The following KCNB2 variants were observed in gnomAD, a reference collection of about 807,000 sequenced individuals.
The protein encoded by KCNB2 is potassium voltage-gated channel subfamily B member 2.
KCNB2 carries 15 observed loss-of-function variants against 61.5 expected under a neutral mutation model. The observed-to-expected ratio is 0.24, with a 90% confidence interval of 0.16 to 0.38. The LOEUF is 0.38. Among genes scored for constraint, KCNB2 ranks in the 10% least tolerant of loss-of-function variants. The pLI is 1.00. For synonymous variants in KCNB2, 457 were observed against 446.0 expected (o/e 1.02, Z -0.31); for missense variants, 828 against 1,125.2 (o/e 0.74, Z 3.78).
intron 2 of KCNB2, among the ~76,000 whole-genome samples, chr8:72,716,053 A>G (rs1205646207): frequency 6.6e-6 from 1 of 152,252 alleles, no homozygotes; most frequent in Non-Finnish European, 1.5e-5. Flanking sequence ...AATAAACTAG[A>G]AAATCTAGAA....
intron 2 of KCNB2, among the ~76,000 whole-genome samples, chr8:72,649,958 T>C (rs1164171896): frequency 6.6e-6 from 1 of 152,132 alleles, no homozygotes; most frequent in Non-Finnish European, 1.5e-5. Context: ...TAGCTGGTAA[T>C]AATGCAGTGA....
chr8:72,597,490 A>T (rs937957248), intron 2 of KCNB2, among the ~76,000 whole-genome samples: 4 of 152,234 alleles, frequency 2.6e-5, no homozygotes, highest in African/African-American at 7.2e-5. Context: ...AAGTTTCATG[A>T]ACATTTTTTA....
rs145595704 is a variant in KCNB2, at chr8:72,609,871, C to T, written c.579+41558C>T. On this transcript the variant is annotated intron_variant, in intron 2 of 2. Transcript: ENST00000523207. ...CTTCAGTGCTGCCACACTGCGCAGACCCAGGACGTCGTTACGTTGAAGTCC... is the reference window on the plus strand; with the variant it reads ...CTTCAGTGCTGCCACACTGCGCAGATCCAGGACGTCGTTACGTTGAAGTCC... Among the ~76,000 whole-genome samples, 792 of 152,248 alleles carry T rather than the reference C, an allele frequency of 5.2e-3. 8 individuals are homozygous for T. Among genetic ancestry groups the T allele is most frequent in the African/African-American group, 0.018 (761 of 41,546 alleles).
intron 2 of KCNB2, among the ~76,000 whole-genome samples, chr8:72,650,224 A>G (rs1806192530): frequency 6.6e-6 from 1 of 152,136 alleles, no homozygotes; most frequent in Non-Finnish European, 1.5e-5. Flanking sequence ...GCTTGCGTTT[A>G]TTTTTACAAG....
chr8:72,896,567 G>A (rs551127043), intron 2 of KCNB2, among the ~76,000 whole-genome samples: 25 of 152,238 alleles, frequency 1.6e-4, no homozygotes, highest in Admixed American at 1.6e-3. Flanking sequence ...ATATGTGTCT[G>A]TGTAAATATA....
chr8:72,902,265 A>G (rs115045265), intron 2 of KCNB2, among the ~76,000 whole-genome samples: 141 of 152,300 alleles, frequency 9.3e-4, no homozygotes, highest in African/African-American at 3.3e-3. Context: ...AAAAGGGCCT[A>G]AATAGAAAGG....
chr8:72,624,010 G>A (rs958807257), intron 2 of KCNB2, among the ~76,000 whole-genome samples: 1 of 152,178 alleles, frequency 6.6e-6, no homozygotes, highest in African/African-American at 2.4e-5. Context: ...TTAGTTAAGA[G>A]TGCTTATGCT....
intron 2 of KCNB2, among the ~76,000 whole-genome samples, chr8:72,894,620 A>G (rs188430951): frequency 2.3e-4 from 32 of 139,034 alleles, no homozygotes; most frequent in Admixed American, 1.8e-3. Flanking sequence ...ACCTTCATCA[A>G]TCTTTCCAAG....
rs146297405 is a variant in KCNB2 at position 72,937,230 on chromosome 8, C to A, written c.1875C>A (p.Ser625=). 1 of 1,614,056 alleles carries A rather than the reference C, an allele frequency of 6.2e-7. No individual in the cohort carries two copies. The highest frequency in any genetic ancestry group is 8.5e-7 in the Non-Finnish European group (1 of 1,180,004). The change falls in exon 3 of 3, where the codon TCC becomes TCA. Residue 625 remains serine, a synonymous_variant. Transcript: ENST00000523207. ...ETERSPLPPP[S]ASHLQMKFPT... is the part of the protein sequence containing the mutation. ...AGAGATCGCCGCTGCCGCCGCCCTCCGCCTCTCACTTGCAGATGAAGTTCC... is the reference window on the plus strand; with the variant it reads ...AGAGATCGCCGCTGCCGCCGCCCTCAGCCTCTCACTTGCAGATGAAGTTCC...
At position 72,842,898 on chromosome 8, in the gene KCNB2, G is replaced by A. The variant is rs528222917; in HGVS notation, c.580-93037G>A. 1.4e-4 allele frequency among the ~76,000 whole-genome samples: 21 copies of A among 152,088 alleles called. 1 individual carries two copies. The highest frequency in any genetic ancestry group is 2.5e-4 in the Non-Finnish European group (17 of 67,956). ...TTTCAGAAAAACAGCTCCTGGATCC[G>A]TTGATTTTTTGAAGAGTTTTTTGTG... is the stretch of plus-strand genomic sequence containing the variant. On this transcript the variant is annotated intron_variant, in intron 2 of 2. Coordinates refer to ENST00000523207, the MANE Select transcript of KCNB2 (RefSeq NM_004770.3).
chr8:72,770,584 G>A (rs1042710139), intron 2 of KCNB2, among the ~76,000 whole-genome samples: 1 of 152,136 alleles, frequency 6.6e-6, no homozygotes, highest in African/African-American at 2.4e-5. Context: ...TCACTTACCG[G>A]CTATATAATC....
At chr8:72,697,500 C>T (rs1227286138) in intron 2 of KCNB2, among the ~76,000 whole-genome samples, 1 of 152,078 alleles carries the variant, frequency 6.6e-6, no homozygotes, top group African/African-American at 2.4e-5. Flanking sequence ...GGTGCAGTGG[C>T]AGGTGCCTTT....
At chr8:72,890,196 A>T (rs143530002) in intron 2 of KCNB2, among the ~76,000 whole-genome samples, 1 of 152,300 alleles carries the variant, frequency 6.6e-6, no homozygotes, top group East Asian at 1.9e-4. Flanking sequence ...CATCTACCTA[A>T]ATACAAATAT....
chr8:72,914,925 G>A (rs1223027001), intron 2 of KCNB2, among the ~76,000 whole-genome samples: 4 of 145,064 alleles, frequency 2.8e-5, no homozygotes, highest in South Asian at 2.2e-4. Flanking sequence ...TTTTTTTTGA[G>A]ACAGAGTCTC....
Position 72,567,764 on chromosome 8 carries a change from C to T in KCNB2, c.30C>T (p.Asn10=), listed in dbSNP as rs1391866292. MAEKAPPGL[N]RKTSRSTLSL... ...CAGAAAAGGCTCCCCCGGGCTTAAA[C>T]AGGAAGACTTCAAGGTCGACACTTT... The change falls in exon 2 of 3, where the codon AAC becomes AAT. Residue 10 remains asparagine (N), a synonymous_variant. Transcript: ENST00000523207. 1 of 1,591,890 alleles carries T rather than the reference C, an allele frequency of 6.3e-7. No homozygotes were observed.
intron 2 of KCNB2, among the ~76,000 whole-genome samples, chr8:72,833,198 G>A (rs1440859094): frequency 6.6e-6 from 1 of 152,204 alleles, no homozygotes; most frequent in Admixed American, 6.5e-5. Flanking sequence ...GATCAAGCAA[G>A]TAATGAGTAT....
At chr8:72,853,505 T>C (rs1011930400) in intron 2 of KCNB2, among the ~76,000 whole-genome samples, 1 of 152,230 alleles carries the variant, frequency 6.6e-6, no homozygotes, top group African/African-American at 2.4e-5. Context: ...CAAGAATCCC[T>C]GTCTCAGGCT....
chr8:72,747,368 C>A (rs1307374456), intron 2 of KCNB2, among the ~76,000 whole-genome samples: 3 of 152,154 alleles, frequency 2.0e-5, no homozygotes, highest in African/African-American at 7.2e-5. Flanking sequence ...ATCGTAAGAG[C>A]TTGAGCTCCA....
intron 1 of KCNB2, among the ~76,000 whole-genome samples, chr8:72,540,593 A>G (rs1053574203): frequency 6.6e-6 from 1 of 152,094 alleles, no homozygotes; most frequent in Non-Finnish European, 1.5e-5. Context: ...GCAGAGCAGC[A>G]TTAGATTTTT....
Sources: gnomAD v4.1 joint callset for allele counts (sites outside exome capture counted in the v4.1 genomes callset) on GRCh38, gnomAD v4.1.1 for gene constraint, MANE v1.5 for transcripts, NCBI Gene and HGNC (gene_info 2026-07-23, HGNC 2026-07-21) for gene names.